ARHGEF11: variants seen among roughly 807,000 people sequenced by gnomAD.
ARHGEF11 encodes Rho guanine nucleotide exchange factor 11.
Under a neutral mutation model 193.7 loss-of-function variants are expected in ARHGEF11, and 55 were observed. The observed-to-expected ratio is 0.28, with a 90% CI of 0.23 to 0.36. The LOEUF (loss-of-function observed/expected upper bound fraction) is 0.36, where lower values mean the gene tolerates loss of function less well. ARHGEF11 is among the 10% of genes least tolerant of loss of function. The pLI is 1.00. For missense variants in ARHGEF11, 1,723 were observed against 2,005.6 expected, an observed-to-expected ratio of 0.86 and a Z score of 2.69; for synonymous variants, 693 against 768.0, an observed-to-expected ratio of 0.90 and a Z score of 1.62.
intron 1 of ARHGEF11, among the ~76,000 whole-genome samples, chr1:157,003,127 T>C (rs1667406098): frequency 6.6e-6 from 1 of 152,240 alleles, no homozygotes; most frequent in African/African-American, 2.4e-5. Context: ...AACAACCTCA[T>C]GAGTTGGCAC....
chr1:157,013,575 T>C (rs1668834197), intron 1 of ARHGEF11, among the ~76,000 whole-genome samples: 1 of 152,150 alleles, frequency 6.6e-6, no homozygotes, highest in Admixed American at 6.6e-5. Context: ...CCTTTCATTC[T>C]GTATAGCAAA....
At chr1:157,013,536 T>C (rs567095177) in intron 1 of ARHGEF11, among the ~76,000 whole-genome samples, 2 of 152,230 alleles carry the variant, frequency 1.3e-5, no homozygotes, top group East Asian at 3.9e-4. Context: ...CCTACTTTAC[T>C]TGGTATTCTC....
intron 2 of ARHGEF11, 29 bp from the exon 3 acceptor site, chr1:156,984,466 G>A (rs1460621991): frequency 4.6e-6 from 7 of 1,536,434 alleles, no homozygotes; most frequent in African/African-American, 1.4e-5. Context: ...GGTTGAGTAC[G>A]CAGTGTCACT....
At chr1:156,991,849 T>C (rs915644081) in intron 1 of ARHGEF11, among the ~76,000 whole-genome samples, 2 of 148,800 alleles carry the variant, frequency 1.3e-5, no homozygotes, top group Non-Finnish European at 3.0e-5. Flanking sequence ...CCCAAGTAGC[T>C]GGGACTACAG....
Position 156,935,955 on chromosome 1 carries a change from C to T in ARHGEF11, c.*45G>A. The T allele has an allele frequency of 1.3e-6, 2 of 1,588,032 alleles. No individual in the cohort carries two copies. The highest frequency in any genetic ancestry group is 1.7e-6 in the Non-Finnish European group (2 of 1,163,958). ...CCTGTGCCCCGGTCTCAGGCCAGTC[C>T]CTGAAGGAGGAGTGGGGACGCAGAG... is the stretch of plus-strand genomic sequence containing the variant. On this transcript the variant is annotated 3_prime_UTR_variant, in exon 41 of 41. Transcript: ENST00000368194.
At chr1:156,967,646 G>A (rs891730667) in intron 11 of ARHGEF11, among the ~76,000 whole-genome samples, 4 of 152,048 alleles carry the variant, frequency 2.6e-5, no homozygotes, top group African/African-American at 7.2e-5. Flanking sequence ...GCTAAGGAAC[G>A]GGGAAACTGA....
chr1:156,936,028 G>A lies in ARHGEF11; in HGVS notation c.4661C>T (p.Ala1554Val). Reference protein sequence around the residue: ...GSDAPLEDSTADAAASPGP With the variant: ...GSDAPLEDSTVDAAASPGP Reference sequence around the variant, plus strand: ...TGGTCCTGGTGACGCGGCTGCGTCTGCTGTGCTGTCTTCCAGGGGGGCGTC... The same window carrying A: ...TGGTCCTGGTGACGCGGCTGCGTCTACTGTGCTGTCTTCCAGGGGGGCGTC... The change falls in exon 41 of 41, where the codon GCA (alanine) becomes GTA (valine). Residue 1554 changes from alanine to valine, a missense_variant. Transcript: ENST00000368194. 1 of 1,613,958 alleles carries A rather than the reference G, an allele frequency of 6.2e-7. No homozygotes were observed. Among genetic ancestry groups the A allele is most frequent in the Non-Finnish European group, 8.5e-7 (1 of 1,179,880 alleles).
intron 6 of ARHGEF11, 31 bp from the exon 7 acceptor site, chr1:156,977,085 T>TTAG: frequency 6.3e-7 from 1 of 1,595,292 alleles, no homozygotes; most frequent in South Asian, 1.1e-5. Flanking sequence ...AATATAAGAG[T>TTAG]TAGGGACTAA....
intron 29 of ARHGEF11, 88 bp from the exon 30 acceptor site, chr1:156,945,285 C>T (rs1239082421): frequency 4.1e-6 from 6 of 1,470,734 alleles, no homozygotes; most frequent in Non-Finnish European, 3.7e-6. Flanking sequence ...TCATCCATGG[C>T]AGCTGGCTTG....
intron 1 of ARHGEF11, among the ~76,000 whole-genome samples, chr1:157,032,411 T>C (rs1671415195): frequency 6.6e-6 from 1 of 152,190 alleles, no homozygotes; most frequent in African/African-American, 2.4e-5. Flanking sequence ...AATGCCAGTA[T>C]TGGCATCATC....
At position 156,974,027 on chromosome 1, in the gene ARHGEF11, A is replaced by G. The variant is rs73008799; in HGVS notation, c.583-2211T>C. ...AAGCTCCTCATGGTATTCATGGCCA[A>G]TAACACCTTCCAGTCACAAGACTCA... is the stretch of plus-strand genomic sequence containing the variant. On this transcript the variant is annotated intron_variant, in intron 7 of 40. Coordinates refer to ENST00000368194, the MANE Select transcript of ARHGEF11 (RefSeq NM_198236.3). Among the ~76,000 whole-genome samples, 1,486 of 152,226 alleles carry G rather than the reference A, an allele frequency of 9.8e-3. 16 individuals are homozygous for G. Among genetic ancestry groups the G allele is most frequent in the African/African-American group, 0.028 (1,170 of 41,526 alleles).
chr1:157,023,352 C>T (rs1332038415), intron 1 of ARHGEF11, among the ~76,000 whole-genome samples: 1 of 152,048 alleles, frequency 6.6e-6, no homozygotes, highest in Non-Finnish European at 1.5e-5. Context: ...ATTTCTCTAA[C>T]CAAGATATAC....
Position 156,955,802 on chromosome 1 carries a change from G to A in ARHGEF11, c.1672-3C>T. Reference sequence around the variant, plus strand: ...TTTTCTTTCTTGGAATTGCTGCTCTGCTGAGACAGGAGACACTGGTGTTTG... The same window carrying A: ...TTTTCTTTCTTGGAATTGCTGCTCTACTGAGACAGGAGACACTGGTGTTTG... On this transcript the variant is annotated splice_region_variant and splice_polypyrimidine_tract_variant and intron_variant, in intron 19 of 40. Coordinates refer to ENST00000368194, the MANE Select transcript of ARHGEF11 (RefSeq NM_198236.3). 1 of 1,612,466 alleles carries A rather than the reference G, an allele frequency of 6.2e-7. No homozygotes were observed. Among genetic ancestry groups the A allele is most frequent in the Non-Finnish European group, 8.5e-7 (1 of 1,178,642 alleles).
chr1:157,005,477 G>T (rs1165895256), intron 1 of ARHGEF11, among the ~76,000 whole-genome samples: 2 of 152,164 alleles, frequency 1.3e-5, no homozygotes, highest in African/African-American at 2.4e-5. Flanking sequence ...TCAGAGGTCA[G>T]AACTGAAGGT....
intron 38 of ARHGEF11, among the ~76,000 whole-genome samples, chr1:156,938,031 A>C (rs1029413423): frequency 6.6e-6 from 1 of 152,186 alleles, no homozygotes; most frequent in Non-Finnish European, 1.5e-5. Flanking sequence ...ACCACCGCGG[A>C]ATCTGGGAGG....
chr1:156,968,938 T>C (rs1323577685), intron 10 of ARHGEF11, among the ~76,000 whole-genome samples: 1 of 152,172 alleles, frequency 6.6e-6, no homozygotes, highest in African/African-American at 2.4e-5. Context: ...CCTGGACAGG[T>C]GGAAATATGT....
At chr1:156,969,125 G>C (rs1662154334) in intron 10 of ARHGEF11, among the ~76,000 whole-genome samples, 157 bp downstream of exon 10, 1 of 152,192 alleles carries the variant, frequency 6.6e-6, no homozygotes, top group Admixed American at 6.5e-5. Context: ...TGAAATTTCT[G>C]CTTTGGAACC....
intron 12 of ARHGEF11, 100 bp from the exon 13 acceptor site, chr1:156,963,404 G>A (rs1359875691): frequency 9.4e-6 from 14 of 1,483,430 alleles, no homozygotes; most frequent in African/African-American, 1.4e-5. Context: ...GTTCATAACA[G>A]GAGGCTCCCC....
chr1:157,017,391 C>T (rs541619623), intron 1 of ARHGEF11, among the ~76,000 whole-genome samples: 1 of 152,176 alleles, frequency 6.6e-6, no homozygotes, highest in Non-Finnish European at 1.5e-5. Flanking sequence ...ACAGTGGGTA[C>T]TAAATGTTCA....
Sources: gnomAD v4.1 joint callset for allele counts (sites outside exome capture counted in the v4.1 genomes callset) on GRCh38, gnomAD v4.1.1 for gene constraint, MANE v1.5 for transcripts, NCBI Gene and HGNC (gene_info 2026-07-23, HGNC 2026-07-21) for gene names.